The following CAMK1D variants were observed in gnomAD, a reference collection of about 807,000 sequenced individuals.
CAMK1D encodes the protein calcium/calmodulin dependent protein kinase ID.
CAMK1D carries 9 observed loss-of-function variants against 47.7 expected under a neutral mutation model. That is an observed-to-expected ratio of 0.19 (90% CI 0.11 to 0.33). The LOEUF is 0.33. Ranked by LOEUF, CAMK1D falls within the 10% of genes least tolerant of loss-of-function variation. The pLI is 1.00. For missense variants in CAMK1D, 291 were observed against 488.7 expected (o/e 0.60, Z 3.81); for synonymous variants, 184 against 184.9 (o/e 0.99, Z 0.04).
chr10:12,511,034 C>T (rs1323981787), intron 1 of CAMK1D, among the ~76,000 whole-genome samples: 1 of 152,218 alleles, frequency 6.6e-6, no homozygotes, highest in Non-Finnish European at 1.5e-5. Context: ...GCAGCACTTA[C>T]ACGGGATGCG....
chr10:12,749,561 TG>T (rs5783288), intron 3 of CAMK1D, among the ~76,000 whole-genome samples: 5,768 of 106,840 alleles, frequency 0.054, 488 homozygotes, highest in African/African-American at 0.18. Flanking sequence ...TTTGTTTGTT[TG>T]TTTGTTTGTT....
chr10:12,815,919 T>C (rs1012269324), intron 7 of CAMK1D, among the ~76,000 whole-genome samples: 2 of 152,224 alleles, frequency 1.3e-5, no homozygotes, highest in Non-Finnish European at 2.9e-5. Flanking sequence ...TCTAAGGCAG[T>C]GATGGACTAA....
chr10:12,447,522 C>T (rs974123355), intron 1 of CAMK1D, among the ~76,000 whole-genome samples: 1 of 152,092 alleles, frequency 6.6e-6, no homozygotes, highest in Admixed American at 6.5e-5. Flanking sequence ...GGCTACATAG[C>T]AAGACCCCGT....
chr10:12,609,670 G>A (rs531901305), intron 2 of CAMK1D, among the ~76,000 whole-genome samples: 85 of 152,288 alleles, frequency 5.6e-4, no homozygotes, highest in African/African-American at 1.9e-3. Context: ...GCGGTGATGC[G>A]GGTGATGGGG....
chr10:12,598,466 G>C (rs1838207749), intron 2 of CAMK1D, among the ~76,000 whole-genome samples: 1 of 152,182 alleles, frequency 6.6e-6, no homozygotes, highest in Non-Finnish European at 1.5e-5. Context: ...TACTTACTAT[G>C]TACTGGGCAG....
intron 2 of CAMK1D, among the ~76,000 whole-genome samples, chr10:12,558,837 A>G (rs943004388): frequency 1.3e-5 from 2 of 152,160 alleles, no homozygotes; most frequent in Non-Finnish European, 2.9e-5. Context: ...TGTAAGCTGC[A>G]GAGATTGTCT....
chr10:12,446,836 A>G (rs144562287), intron 1 of CAMK1D, among the ~76,000 whole-genome samples: 96 of 152,260 alleles, frequency 6.3e-4, no homozygotes, highest in Non-Finnish European at 9.7e-4. Context: ...GCTGTCAGAT[A>G]CTGTGTGCTG....
At position 12,683,993 on chromosome 10, in the gene CAMK1D, A is replaced by G. The variant is rs1564489976; in HGVS notation, c.299+17183A>G. Among the ~76,000 whole-genome samples, 3 of 152,284 alleles carry G rather than the reference A, an allele frequency of 2.0e-5. No individual in the cohort carries two copies. In the South Asian group the frequency reaches 6.2e-4, roughly 32 times the overall value. The stretch of plus-strand genomic sequence containing the variant: ...TGAGGTTTCATTGCATACAAATGTG[A>G]CATTTAATGTCGTTAAAACATACAA... On this transcript the variant is annotated intron_variant, in intron 3 of 10. Transcript: ENST00000619168.
intron 2 of CAMK1D, among the ~76,000 whole-genome samples, chr10:12,661,089 A>G (rs1473647594): frequency 1.3e-5 from 2 of 152,128 alleles, no homozygotes; most frequent in African/African-American, 4.8e-5. Flanking sequence ...CTGCTTTTCA[A>G]CATGTCTTTT....
chr10:12,535,280 ACTT>A (rs2132230175), intron 1 of CAMK1D, among the ~76,000 whole-genome samples: 1 of 152,244 alleles, frequency 6.6e-6, no homozygotes, highest in African/African-American at 2.4e-5. Context: ...TGTGGCTCCA[ACTT>A]CTTAGGATAC....
intron 3 of CAMK1D, among the ~76,000 whole-genome samples, chr10:12,702,167 G>A (rs113265045): frequency 0.033 from 4,983 of 152,186 alleles, 253 homozygotes; most frequent in African/African-American, 0.1. Context: ...TAGGGGAGCA[G>A]GAATCGTGCA....
At chr10:12,787,268 A>G (rs1463251209) in intron 5 of CAMK1D, among the ~76,000 whole-genome samples, 1 of 152,182 alleles carries the variant, frequency 6.6e-6, no homozygotes, top group African/African-American at 2.4e-5. Context: ...TGCCAGATTG[A>G]GGGTGAAATG....
intron 1 of CAMK1D, among the ~76,000 whole-genome samples, chr10:12,535,031 C>G (rs909491479): frequency 6.6e-6 from 1 of 152,164 alleles, no homozygotes; most frequent in Non-Finnish European, 1.5e-5. Flanking sequence ...AGCAGCTAGC[C>G]GCTGGCCACA....
intron 3 of CAMK1D, among the ~76,000 whole-genome samples, chr10:12,682,358 G>C (rs985697388): frequency 6.6e-6 from 1 of 152,170 alleles, no homozygotes; most frequent in Admixed American, 6.5e-5. Context: ...GATTGAAAAG[G>C]CTGATTATTT....
intron 2 of CAMK1D, among the ~76,000 whole-genome samples, chr10:12,582,157 C>A (rs1837682918): frequency 6.6e-6 from 1 of 152,078 alleles, no homozygotes; most frequent in East Asian, 1.9e-4. Flanking sequence ...CATTTCCCCA[C>A]TTTATGTTTT....
intron 1 of CAMK1D, among the ~76,000 whole-genome samples, chr10:12,424,911 T>G (rs1840175071): frequency 6.6e-6 from 1 of 152,244 alleles, no homozygotes; most frequent in African/African-American, 2.4e-5. Flanking sequence ...ATACGACATC[T>G]GGTTTGTCTG....
intron 6 of CAMK1D, among the ~76,000 whole-genome samples, chr10:12,810,892 G>A (rs1271844773): frequency 6.6e-6 from 1 of 152,270 alleles, no homozygotes; most frequent in Non-Finnish European, 1.5e-5. Flanking sequence ...AAAGGGAGGT[G>A]TGGGAACCAC....
chr10:12,409,860 C>T (rs1434541674), intron 1 of CAMK1D, among the ~76,000 whole-genome samples: 1 of 152,206 alleles, frequency 6.6e-6, no homozygotes, highest in Admixed American at 6.5e-5. Context: ...GGTAGCTCCG[C>T]AGTACCTCCT....
chr10:12,528,815 C>T (rs1217504451), intron 1 of CAMK1D, among the ~76,000 whole-genome samples: 2 of 149,728 alleles, frequency 1.3e-5, no homozygotes, highest in Non-Finnish European at 1.5e-5. Context: ...GATCATGGCT[C>T]ATTGCAGCCT....
Sources: allele counts gnomAD v4.1 joint callset (sites outside exome capture counted in the v4.1 genomes callset), GRCh38; gene constraint gnomAD v4.1.1; transcripts MANE v1.5; gene names NCBI Gene and HGNC (gene_info 2026-07-23, HGNC 2026-07-21).